ANK3: variants seen among roughly 807,000 people sequenced by gnomAD.
The protein encoded by ANK3 is ankyrin 3.
A neutral mutation model predicts 370.9 loss-of-function variants in ANK3; 57 were observed. The observed-to-expected ratio is 0.15, with a 90% CI of 0.12 to 0.19. The LOEUF (loss-of-function observed/expected upper bound fraction) is 0.19. Ranked by LOEUF, ANK3 falls within the 10% of genes least tolerant of loss-of-function variation. The pLI is 1.00. For missense variants in ANK3, 4,439 were observed against 5,302.1 expected (o/e 0.84, Z 5.06); for synonymous variants, 1,929 against 1,946.3 (o/e 0.99, Z 0.23).
chr10:60,264,057 G>T (rs759417707), intron 5 of ANK3, 37 bp from the exon 6 acceptor site: 57 of 1,536,648 alleles, frequency 3.7e-5, no homozygotes, highest in Non-Finnish European at 4.6e-5. Context: ...GGGCTCCAAT[G>T]AATATTTTCT....
intron 1 of ANK3, among the ~76,000 whole-genome samples, chr10:60,313,928 G>GTTTTTTTTT (rs760802914): frequency 1.5e-5 from 2 of 132,124 alleles, no homozygotes; most frequent in African/African-American, 5.5e-5. Context: ...TTTTGTTTTT[G>GTTTTTTTTT]TTTTTTTTTT....
At chr10:60,110,752 C>A (rs10740008) in intron 26 of ANK3, among the ~76,000 whole-genome samples, 112,880 of 152,106 alleles carry the variant, frequency 0.74, 42,665 homozygotes, top group East Asian at 0.92. Context: ...CCCTGCACTT[C>A]GTAGTTGTAA....
At chr10:60,439,666 T>C (rs1479603190) in intron 2 of ANK3, among the ~76,000 whole-genome samples, 4 of 152,130 alleles carry the variant, frequency 2.6e-5, no homozygotes, top group Non-Finnish European at 5.9e-5. Flanking sequence ...ACGCAAACAC[T>C]AGATGGAGGT....
intron 1 of ANK3, among the ~76,000 whole-genome samples, chr10:60,653,000 A>C: frequency 6.6e-6 from 1 of 152,154 alleles, no homozygotes; most frequent in South Asian, 2.1e-4. Context: ...TTTGTGAAGT[A>C]TCTTTTCTTC....
intron 32 of ANK3, 30 bp downstream of exon 32, chr10:60,084,572 G>T (rs868280531): frequency 6.4e-7 from 1 of 1,574,342 alleles, no homozygotes; most frequent in South Asian, 1.1e-5. Flanking sequence ...AGTACGTAAT[G>T]AAATGAACTT....
chr10:60,390,626 T>A (rs1357394212), upstream of ANK3, among the ~76,000 whole-genome samples: 1 of 151,210 alleles, frequency 6.6e-6, no homozygotes, highest in East Asian at 1.9e-4. Flanking sequence ...AAGTCGGGAG[T>A]CATTTGCACA....
At position 60,076,244 on chromosome 10, in the gene ANK3, G is replaced by T. The variant is rs1396337383; in HGVS notation, c.4637C>A (p.Pro1546His). The T allele has an allele frequency of 6.2e-7, 1 of 1,614,116 alleles. No homozygotes were observed. Residue 1546 changes from proline (P) to histidine (H), a missense_variant, in exon 37 of 44, where the codon CCT becomes CAT. Around this residue, in one of 13 missense-constraint regions of ANK3, gnomAD observed 679 missense variants for 791.0 expected, o/e 0.86. Coordinates refer to ENST00000280772, the MANE Select transcript of ANK3 (RefSeq NM_020987.5). ...PLKSIWSVST[P>H]SPIKSTLGAS... is the part of the protein sequence containing the mutation. ...GCCTAATGTGGATTTGATTGGAGAAGGTGTCGAAACAGACCATATTGATTT... is the reference window on the plus strand; with the variant it reads ...GCCTAATGTGGATTTGATTGGAGAATGTGTCGAAACAGACCATATTGATTT...
intron 4 of ANK3, among the ~76,000 whole-genome samples, chr10:60,278,154 A>C (rs564392634): frequency 7.9e-5 from 12 of 152,194 alleles, no homozygotes; most frequent in Non-Finnish European, 1.8e-4. Flanking sequence ...AGAATCTGAA[A>C]ATTTTTATTA....
intron 23 of ANK3, among the ~76,000 whole-genome samples, chr10:60,160,274 C>T (rs1437363634): frequency 2.0e-5 from 3 of 151,902 alleles, no homozygotes; most frequent in African/African-American, 7.2e-5. Flanking sequence ...TTATGAGCAA[C>T]TACTATATGC....
chr10:60,329,805 C>A (rs990763259), intron 1 of ANK3, among the ~76,000 whole-genome samples: 10 of 152,084 alleles, frequency 6.6e-5, no homozygotes, highest in Non-Finnish European at 5.9e-5. Context: ...CATATGGAAT[C>A]AAAAAAGAGC....
At chr10:60,407,801 T>A (rs1199752356) in intron 2 of ANK3, among the ~76,000 whole-genome samples, 2 of 152,192 alleles carry the variant, frequency 1.3e-5, no homozygotes, top group African/African-American at 4.8e-5. Flanking sequence ...GACTGGATAT[T>A]TTATGTCACA....
chr10:60,572,336 C>G (rs2077621037), intron 2 of ANK3: 2 of 946,840 alleles, frequency 2.1e-6, no homozygotes, highest in South Asian at 1.8e-5. Context: ...ACTGGAAAAA[C>G]AAAAGCATTC....
chr10:60,443,689 C>A (rs1342495719), intron 2 of ANK3, among the ~76,000 whole-genome samples: 1 of 152,062 alleles, frequency 6.6e-6, no homozygotes, highest in East Asian at 1.9e-4. Context: ...GGAGAGTACC[C>A]CAGTGTGATA....
chr10:60,407,691 A>G (rs532393871), intron 2 of ANK3, among the ~76,000 whole-genome samples: 1 of 152,334 alleles, frequency 6.6e-6, no homozygotes, highest in African/African-American at 2.4e-5. Context: ...TAAATTGTGT[A>G]AACTGAGGCT....
At chr10:60,723,998 C>T (rs889445912) in intron 1 of ANK3, among the ~76,000 whole-genome samples, 3 of 147,922 alleles carry the variant, frequency 2.0e-5, no homozygotes, top group Admixed American at 6.9e-5. Flanking sequence ...ATCACGAGGT[C>T]AGGAAATCGA....
intron 21 of ANK3, among the ~76,000 whole-genome samples, chr10:60,170,357 T>C (rs1364578733): frequency 6.6e-6 from 1 of 152,222 alleles, no homozygotes; most frequent in African/African-American, 2.4e-5. Flanking sequence ...ATCATGCCTG[T>C]GGTGGAGGCT....
At chr10:60,228,388 G>C (rs933208191) in intron 8 of ANK3, among the ~76,000 whole-genome samples, 4 of 151,940 alleles carry the variant, frequency 2.6e-5, no homozygotes, top group African/African-American at 9.7e-5. Context: ...ACAAAAATTA[G>C]CTAGGCGAGG....
Position 60,068,782 on chromosome 10 carries a change from T to C in ANK3, c.12099A>G (p.Ser4033=). ...SELSDEEEST[S]RNTSLSETSR... ...AAGTCTCGGACAACGACGTGTTTCT[T>C]GAGGTACTTTCTTCCTCATCGGACA... The change falls in exon 37 of 44, where the codon TCA becomes TCG. Residue 4033 remains serine (S), a synonymous_variant. Coordinates refer to ENST00000280772, the MANE Select transcript of ANK3 (RefSeq NM_020987.5). 3 of 1,614,216 alleles carry C rather than the reference T, an allele frequency of 1.9e-6. No individual in the cohort carries two copies. Among genetic ancestry groups the C allele is most frequent in the Non-Finnish European group, 2.5e-6 (3 of 1,180,030 alleles).
intron 1 of ANK3, among the ~76,000 whole-genome samples, chr10:60,692,842 G>T (rs1423834785): frequency 6.6e-6 from 1 of 152,226 alleles, no homozygotes; most frequent in East Asian, 1.9e-4. Flanking sequence ...ATAACAGATT[G>T]TTTTTGTCAT....
Sources: gnomAD v4.1 joint callset for allele counts (sites outside exome capture counted in the v4.1 genomes callset) on GRCh38, gnomAD v4.1.1 for gene constraint, gnomAD v4.1.1 regional missense constraint, MANE v1.5 for transcripts, NCBI Gene and HGNC (gene_info 2026-07-23, HGNC 2026-07-21) for gene names.